NSUN7: variants seen among roughly 807,000 people sequenced by gnomAD.
NSUN7 encodes protein NSUN7.
A neutral mutation model predicts 58.5 loss-of-function variants in NSUN7; 39 were observed. The observed-to-expected ratio is 0.67, with a 90% confidence interval of 0.52 to 0.87. The LOEUF is 0.87. Ranked by LOEUF, NSUN7 falls within the 40% of genes least tolerant of loss-of-function variation. The pLI is 0.00. For synonymous variants in NSUN7, 278 were observed against 303.7 expected (o/e 0.92, Z 0.88); for missense variants, 765 against 844.1 (o/e 0.91, Z 1.16).
At chr4:40,750,472 G>T in intron 1 of NSUN7, 131 bp from the exon 2 acceptor site, 2 of 479,702 alleles carry the variant, frequency 4.2e-6, no homozygotes, top group African/African-American at 2.0e-5. Context: ...AGCGTCCCAG[G>T]CTCGAAGTCT....
chr4:40,757,651 T>TTG lies in NSUN7; in HGVS notation c.299-2779_299-2778dup, dbSNP rs750890292. ...TATACATTGTGTGTATATATATACA[T>TTG]TGTGTATATATATACATTGTGTGTA... On this transcript the variant is annotated intron_variant, in intron 2 of 11. Transcript: ENST00000381782. 2.5e-3 allele frequency among the ~76,000 whole-genome samples: 367 copies of TTG among 144,056 alleles called. 2 individuals are homozygous for TTG. Among genetic ancestry groups the TTG allele is most frequent in the African/African-American group, 8.7e-3 (333 of 38,342 alleles). The allele number at this position is 144,056 out of a possible 152,430, so 94.5% of individuals were successfully genotyped here. A position where few individuals can be genotyped will look rare whatever the true frequency, so the allele number is the denominator to read the frequency against.
intron 7 of NSUN7, among the ~76,000 whole-genome samples, chr4:40,788,068 C>T (rs1428485614): frequency 1.3e-5 from 2 of 152,156 alleles, no homozygotes; most frequent in Admixed American, 6.5e-5. Context: ...CTCCCGACCT[C>T]GTGATCCGCC....
intron 10 of NSUN7, among the ~76,000 whole-genome samples, chr4:40,802,565 G>A (rs1484301357): frequency 6.6e-6 from 1 of 152,088 alleles, no homozygotes; most frequent in Non-Finnish European, 1.5e-5. Context: ...CAGAAATTTT[G>A]ATATTTTTAC....
intron 10 of NSUN7, among the ~76,000 whole-genome samples, chr4:40,804,312 C>T (rs1043069254): frequency 7.9e-5 from 12 of 152,010 alleles, no homozygotes; most frequent in African/African-American, 2.2e-4. Flanking sequence ...TGGTGTCAGG[C>T]GCCTGTAATC....
At chr4:40,786,360 G>A in intron 7 of NSUN7, 1 of 1,612,048 alleles carries the variant, frequency 6.2e-7, no homozygotes, top group Non-Finnish European at 8.5e-7. Flanking sequence ...AGAAATTAAG[G>A]CCACTGTGGA....
chr4:40,797,012 C>T (rs1743349645), intron 9 of NSUN7, among the ~76,000 whole-genome samples: 1 of 152,164 alleles, frequency 6.6e-6, no homozygotes, highest in Non-Finnish European at 1.5e-5. Flanking sequence ...CGCCAGTGAT[C>T]CCCATGCTGT....
At chr4:40,754,137 G>A (rs1227911034) in intron 2 of NSUN7, among the ~76,000 whole-genome samples, 1 of 143,850 alleles carries the variant, frequency 7.0e-6, no homozygotes, top group Non-Finnish European at 1.5e-5. Flanking sequence ...TTAGGAGCCT[G>A]CTATTTTCCT....
At chr4:40,782,458 C>T (rs1191983724) in intron 7 of NSUN7, among the ~76,000 whole-genome samples, 1 of 149,638 alleles carries the variant, frequency 6.7e-6, no homozygotes, top group Non-Finnish European at 1.5e-5. Context: ...GTCCCAGCTA[C>T]GAGGGAGGCT....
At chr4:40,765,943 C>T (rs7693690) in intron 4 of NSUN7, among the ~76,000 whole-genome samples, 45,899 of 152,028 alleles carry the variant, frequency 0.3, 7,256 homozygotes, top group Non-Finnish European at 0.34. Context: ...TATCCTGAGA[C>T]TTTGCTGAAG....
intron 7 of NSUN7, among the ~76,000 whole-genome samples, chr4:40,783,542 C>A (rs759029209): frequency 3.3e-5 from 5 of 152,014 alleles, no homozygotes; most frequent in Non-Finnish European, 5.9e-5. Flanking sequence ...GCTTCAAAGT[C>A]ACTATCAAAA....
At position 40,810,069 on chromosome 4, in the gene NSUN7, T is replaced by C. The variant is rs1744119687; in HGVS notation, c.*1130T>C. ...GTTTTATTTTTGCAATTCAGTTGTATAGAAATGTTACATAAATTCCTAAAT... is the reference window on the plus strand; with the variant it reads ...GTTTTATTTTTGCAATTCAGTTGTACAGAAATGTTACATAAATTCCTAAAT... On this transcript the variant is annotated 3_prime_UTR_variant, in exon 12 of 12. Coordinates refer to ENST00000381782, the MANE Select transcript of NSUN7 (RefSeq NM_024677.6). 6.6e-6 allele frequency: 1 copy of C among 152,218 alleles called. No individual in the cohort carries two copies. The allele number at this position is 152,218 out of a possible 1,614,324, so 9.4% of individuals were successfully genotyped here.
At chr4:40,761,035 C>G in intron 3 of NSUN7, 136 bp from the exon 4 acceptor site, 1 of 648,596 alleles carries the variant, frequency 1.5e-6, no homozygotes, top group Non-Finnish European at 2.5e-6. Flanking sequence ...GAAGACCTTC[C>G]CAATCCAATC....
chr4:40,753,129 C>G (rs1667825948), intron 2 of NSUN7, among the ~76,000 whole-genome samples: 1 of 152,008 alleles, frequency 6.6e-6, no homozygotes, highest in African/African-American at 2.4e-5. Context: ...ACCTTTAGTA[C>G]TCAATAAGAA....
intron 3 of NSUN7, among the ~76,000 whole-genome samples, 159 bp from the exon 4 acceptor site, chr4:40,761,012 T>G (rs1229408665): frequency 6.6e-6 from 1 of 151,986 alleles, no homozygotes; most frequent in Non-Finnish European, 1.5e-5. Flanking sequence ...TTTTTCTGGA[T>G]TTTTTCTATT....
intron 7 of NSUN7, chr4:40,786,360 G>T: frequency 1.2e-6 from 2 of 1,612,048 alleles, no homozygotes; most frequent in East Asian, 2.2e-5. Flanking sequence ...AGAAATTAAG[G>T]CCACTGTGGA....
In NSUN7 at chr4:40,750,272, C is replaced by G. The variant is rs1740741811; in HGVS notation, c.-120C>G. The G allele has an allele frequency of 6.3e-6, 1 of 159,654 alleles. No homozygotes were observed. Among genetic ancestry groups the G allele is most frequent in the Admixed American group, 6.2e-5 (1 of 16,058 alleles). 9.9% of individuals were successfully genotyped at this position (159,654 alleles called of 1,614,324 possible). A position where few individuals can be genotyped will look rare whatever the true frequency, so the allele number is the denominator to read the frequency against. ...ACGCCGCCCTCCGCGTCTTCGTCCC[C>G]GAAGCCCCGGGAACCATCCGCCCTC... On this transcript the variant is annotated 5_prime_UTR_variant, in exon 1 of 12. Transcript: ENST00000381782.
At chr4:40,758,167 G>T (rs967736571) in intron 2 of NSUN7, among the ~76,000 whole-genome samples, 2 of 152,080 alleles carry the variant, frequency 1.3e-5, no homozygotes, top group Non-Finnish European at 2.9e-5. Context: ...TGATCCACCT[G>T]TCTTGGCCTC....
intron 7 of NSUN7, among the ~76,000 whole-genome samples, chr4:40,780,807 ATATATATTTT>A (rs1318836763): frequency 2.0e-5 from 2 of 100,640 alleles, no homozygotes; most frequent in African/African-American, 7.7e-5. Flanking sequence ...ATATATATAT[ATATATATTTT>A]TTTTTTTTTT....
chr4:40,768,169 T>C (rs370762415), intron 4 of NSUN7, among the ~76,000 whole-genome samples: 49 of 152,174 alleles, frequency 3.2e-4, no homozygotes, highest in East Asian at 1.5e-3. Flanking sequence ...TTAGCATATA[T>C]CTACTTAGAG....
Sources: gnomAD v4.1 joint callset for allele counts (sites outside exome capture counted in the v4.1 genomes callset) on GRCh38, gnomAD v4.1.1 for gene constraint, MANE v1.5 for transcripts, NCBI Gene and HGNC (gene_info 2026-07-23, HGNC 2026-07-21) for gene names.